Variants in CFDP1 observed in about 807,000 individuals in gnomAD.
CFDP1 encodes the protein chromatin remodeling protein CFDP1.
CFDP1 carries 31 observed loss-of-function variants against 40.1 expected under a neutral mutation model. The ratio of observed to expected loss-of-function variants is 0.77; its 90% CI spans 0.58 to 1.04. The LOEUF (loss-of-function observed/expected upper bound fraction) is 1.04. Among genes scored for constraint, CFDP1 ranks in the 50% least tolerant of loss-of-function variants. CFDP1 has a pLI of 0.00. For missense variants in CFDP1, 423 were observed against 343.4 expected (o/e 1.23, Z -1.83); for synonymous variants, 167 against 120.0 (o/e 1.39, Z -2.56).
intron 5 of CFDP1, among the ~76,000 whole-genome samples, chr16:75,351,043 C>T (rs1163105241): frequency 6.6e-6 from 1 of 151,248 alleles, no homozygotes; most frequent in Non-Finnish European, 1.5e-5. Flanking sequence ...CAATTTAAAC[C>T]ATTTGTACTA....
intron 4 of CFDP1, among the ~76,000 whole-genome samples, chr16:75,401,155 G>A (rs942472554): frequency 1.3e-5 from 2 of 151,570 alleles, no homozygotes; most frequent in Non-Finnish European, 2.9e-5. Flanking sequence ...TTGGCTGGGC[G>A]CAGTGGCTCA....
intron 4 of CFDP1, among the ~76,000 whole-genome samples, chr16:75,398,093 G>A (rs1171701605): frequency 2.6e-5 from 4 of 152,200 alleles, no homozygotes; most frequent in South Asian, 2.1e-4. Flanking sequence ...TAGCTGAGCC[G>A]AGTCTAAATC....
chr16:75,327,685 G>A (rs905406280), intron 5 of CFDP1, among the ~76,000 whole-genome samples: 6 of 152,098 alleles, frequency 3.9e-5, no homozygotes, highest in African/African-American at 1.2e-4. Context: ...CCATGGCTCA[G>A]TAGTGAACAA....
intron 5 of CFDP1, among the ~76,000 whole-genome samples, chr16:75,376,097 G>C (rs867225327): frequency 1.3e-5 from 2 of 152,206 alleles, no homozygotes; most frequent in African/African-American, 4.8e-5. Context: ...TGTAGTCCCA[G>C]CTACTCGAGA....
chr16:75,350,941 C>A (rs1444175350), intron 5 of CFDP1, among the ~76,000 whole-genome samples: 1 of 152,042 alleles, frequency 6.6e-6, no homozygotes, highest in Non-Finnish European at 1.5e-5. Context: ...CTTCAAGTGA[C>A]TTTAGAACAC....
chr16:75,362,702 G>C (rs2078687775), intron 5 of CFDP1, among the ~76,000 whole-genome samples: 1 of 152,046 alleles, frequency 6.6e-6, no homozygotes. Context: ...TATTTCCTAA[G>C]AGGGAAAAGA....
chr16:75,378,067 G>A (rs2078817066), intron 5 of CFDP1, among the ~76,000 whole-genome samples: 2 of 152,144 alleles, frequency 1.3e-5, no homozygotes, highest in African/African-American at 4.8e-5. Flanking sequence ...TTAAGTGCAG[G>A]AAAGGCTGAG....
chr16:75,422,270 G>C (rs951915410), intron 1 of CFDP1, among the ~76,000 whole-genome samples: 7 of 151,504 alleles, frequency 4.6e-5, no homozygotes, highest in African/African-American at 7.3e-5. Flanking sequence ...CTAATTTTTT[G>C]TATTTTTAGT....
intron 5 of CFDP1, among the ~76,000 whole-genome samples, chr16:75,307,344 T>A (rs947248414): frequency 6.6e-6 from 1 of 152,054 alleles, no homozygotes; most frequent in African/African-American, 2.4e-5. Context: ...GCCTCCCAAG[T>A]AGCTGGGATT....
At chr16:75,385,841 T>C (rs528601159) in intron 5 of CFDP1, among the ~76,000 whole-genome samples, 13 of 152,228 alleles carry the variant, frequency 8.5e-5, no homozygotes, top group Non-Finnish European at 1.6e-4. Context: ...TCTTCTTAAA[T>C]GAAGGTCTTC....
intron 5 of CFDP1, among the ~76,000 whole-genome samples, chr16:75,351,062 T>C (rs2078607086): frequency 6.6e-6 from 1 of 152,178 alleles, no homozygotes; most frequent in African/African-American, 2.4e-5. Flanking sequence ...TAATCATACA[T>C]ACAATAGGTC....
intron 4 of CFDP1, among the ~76,000 whole-genome samples, chr16:75,397,575 G>A (rs990219586): frequency 3.3e-5 from 5 of 150,758 alleles, no homozygotes; most frequent in Middle Eastern, 7.4e-3. Context: ...GACTGAGGCG[G>A]GCAGATTATG....
chr16:75,430,384 T>G (rs999871490), intron 1 of CFDP1, among the ~76,000 whole-genome samples: 1 of 152,160 alleles, frequency 6.6e-6, no homozygotes, highest in Non-Finnish European at 1.5e-5. Flanking sequence ...TTGGCCAGAC[T>G]GGTCTCCAAC....
chr16:75,388,658 A>G (rs2078920628), intron 5 of CFDP1, among the ~76,000 whole-genome samples: 1 of 152,228 alleles, frequency 6.6e-6, no homozygotes, highest in African/African-American at 2.4e-5. Flanking sequence ...AATATTGGCC[A>G]AATGAGGAGA....
At chr16:75,413,393 CACA>C (rs1045971363) in intron 2 of CFDP1, among the ~76,000 whole-genome samples, 2 of 151,910 alleles carry the variant, frequency 1.3e-5, no homozygotes, top group Non-Finnish European at 2.9e-5. Flanking sequence ...AAACTTTCAT[CACA>C]ACAAGATGAG....
chr16:75,338,819 T>C (rs185317986), intron 5 of CFDP1, among the ~76,000 whole-genome samples: 105 of 152,306 alleles, frequency 6.9e-4, no homozygotes, highest in African/African-American at 2.3e-3. Flanking sequence ...GACTCTTAGG[T>C]TCTGGACTAT....
intron 5 of CFDP1, among the ~76,000 whole-genome samples, chr16:75,321,497 A>C (rs754346814): frequency 6.6e-6 from 1 of 152,108 alleles, no homozygotes; most frequent in Non-Finnish European, 1.5e-5. Context: ...AGATTTACCT[A>C]TCTCTCAGGT....
chr16:75,395,792 A>G (rs1355826821), intron 4 of CFDP1, among the ~76,000 whole-genome samples: 1 of 152,220 alleles, frequency 6.6e-6, no homozygotes, highest in Non-Finnish European at 1.5e-5. Context: ...TAAATTAGCA[A>G]TAATTTGGGA....
intron 5 of CFDP1, among the ~76,000 whole-genome samples, chr16:75,385,915 T>G (rs2078894076): frequency 6.6e-6 from 1 of 151,970 alleles, no homozygotes; most frequent in Non-Finnish European, 1.5e-5. Context: ...TACCATAACT[T>G]CACATACCTA....
Sources: allele counts gnomAD v4.1 joint callset (sites outside exome capture counted in the v4.1 genomes callset), GRCh38; gene constraint gnomAD v4.1.1; transcripts MANE v1.5; gene names NCBI Gene and HGNC (gene_info 2026-07-23, HGNC 2026-07-21).